Variants in USP4 observed in about 807,000 individuals in gnomAD.
USP4 encodes ubiquitin carboxyl-terminal hydrolase 4.
Under a neutral mutation model 118.2 loss-of-function variants are expected in USP4, and 72 were observed. The ratio of observed to expected loss-of-function variants is 0.61; its 90% confidence interval spans 0.50 to 0.74. The LOEUF is 0.74. USP4 is among the 30% of genes least tolerant of loss of function. The pLI, the probability that USP4 is intolerant of heterozygous loss-of-function variation, is 0.00. For synonymous variants in USP4, 415 were observed against 440.4 expected (o/e 0.94, Z 0.72); for missense variants, 1,037 against 1,185.7 (o/e 0.87, Z 1.84).
intron 13 of USP4, among the ~76,000 whole-genome samples, chr3:49,297,161 G>A (rs977189607): frequency 1.3e-5 from 2 of 152,192 alleles, no homozygotes; most frequent in South Asian, 2.1e-4. Flanking sequence ...AGGTAAAGAG[G>A]GAGGGACAGT....
chr3:49,324,561 C>T, intron 6 of USP4, 141 bp downstream of exon 6: 1 of 796,466 alleles, frequency 1.3e-6, no homozygotes, highest in East Asian at 2.5e-5. Context: ...GGTCTTCATC[C>T]AGAAGCATGA....
At chr3:49,283,241 C>T (rs1346380060) in intron 19 of USP4, among the ~76,000 whole-genome samples, 3 of 148,308 alleles carry the variant, frequency 2.0e-5, no homozygotes, top group Non-Finnish European at 3.0e-5. Context: ...GTCTCGATCT[C>T]CAGACCTTGT....
At chr3:49,284,801 G>GAGCAGAAACC in intron 17 of USP4, 48 bp downstream of exon 17, 1 of 1,559,384 alleles carries the variant, frequency 6.4e-7, no homozygotes, top group South Asian at 1.1e-5. Context: ...TCCACATCCA[G>GAGCAGAAACC]AGCAGAAACC....
intron 2 of USP4, among the ~76,000 whole-genome samples, chr3:49,330,676 T>C (rs562819454): frequency 1.6e-4 from 24 of 152,160 alleles, no homozygotes; most frequent in Admixed American, 2.6e-4. Context: ...TTCTGAGCAG[T>C]AGGTCTCAAC....
rs1017734832 is a variant in USP4, at chr3:49,298,852, C to T, written c.1513-217G>A. ...CAGCAGCATGGGGGCTAGGCCATCTCTTTCTCTTCCAAACATTGCTTCATT... is the reference window on the plus strand; with the variant it reads ...CAGCAGCATGGGGGCTAGGCCATCTTTTTCTCTTCCAAACATTGCTTCATT... On this transcript the variant is annotated intron_variant, in intron 11 of 21. Coordinates refer to ENST00000265560, the MANE Select transcript of USP4 (RefSeq NM_003363.4). 4.6e-5 allele frequency among the ~76,000 whole-genome samples: 7 copies of T among 152,244 alleles called. No individual in the cohort carries two copies. In the South Asian group the frequency reaches 6.2e-4, roughly 14 times the overall value.
chr3:49,302,350 G>A, intron 10 of USP4, 34 bp downstream of exon 10: 1 of 1,604,928 alleles, frequency 6.2e-7, no homozygotes, highest in Non-Finnish European at 8.5e-7. Context: ...AGCTTCTTTG[G>A]CATATTATCA....
At chr3:49,317,704 T>G (rs2047455831) in intron 6 of USP4, among the ~76,000 whole-genome samples, 1 of 148,374 alleles carries the variant, frequency 6.7e-6, no homozygotes, top group Non-Finnish European at 1.5e-5. Context: ...ACCATGCCCG[T>G]GGTGTTTTTT....
At chr3:49,305,107 C>G (rs528664702) in intron 9 of USP4, among the ~76,000 whole-genome samples, 8 of 148,140 alleles carry the variant, frequency 5.4e-5, no homozygotes, top group African/African-American at 2.0e-4. Flanking sequence ...GAGTCTCGTT[C>G]TGTCACCCAG....
chr3:49,300,932 A>G (rs2047256937), intron 10 of USP4, among the ~76,000 whole-genome samples: 1 of 152,094 alleles, frequency 6.6e-6, no homozygotes. Context: ...GTTTATATAT[A>G]TACATATTTC....
At chr3:49,309,784 AC>A (rs1042571519) in intron 8 of USP4, among the ~76,000 whole-genome samples, 1 of 149,810 alleles carries the variant, frequency 6.7e-6, no homozygotes, top group African/African-American at 2.5e-5. Context: ...GTGCCACCAC[AC>A]CCGGCTAATT....
At chr3:49,281,491 TACACACACACACACAC>T (rs71077782) in intron 19 of USP4, among the ~76,000 whole-genome samples, 7 of 126,540 alleles carry the variant, frequency 5.5e-5, no homozygotes, top group East Asian at 2.3e-4. Flanking sequence ...TATATATATA[TACACACACACACACAC>T]ACACACACAC....
intron 6 of USP4, among the ~76,000 whole-genome samples, chr3:49,320,765 G>C (rs1226760829): frequency 3.3e-5 from 5 of 151,798 alleles, no homozygotes; most frequent in African/African-American, 9.7e-5. Flanking sequence ...TTTTCCACAT[G>C]TTCTAACATG....
At chr3:49,284,732 C>A in intron 17 of USP4, 117 bp downstream of exon 17, 1 of 1,235,932 alleles carries the variant, frequency 8.1e-7, no homozygotes, top group Non-Finnish European at 1.2e-6. Flanking sequence ...AGTGCTTTTC[C>A]TTCTCAGTCT....
At position 49,277,714 on chromosome 3, in the gene USP4, C is replaced by CA. The variant is rs1269094218; in HGVS notation, c.*578dup. ...CAGGAGGTTGAGGGGCCAGGATCCC[C>CA]AACACTAGATATCTTCCTTAGCGGG... is the stretch of plus-strand genomic sequence containing the variant. On this transcript the variant is annotated 3_prime_UTR_variant, in exon 22 of 22. Transcript: ENST00000265560. 6.3e-6 allele frequency: 1 copy of CA among 159,676 alleles called. No homozygotes were observed. Among genetic ancestry groups the CA allele is most frequent in the Non-Finnish European group, 1.4e-5 (1 of 73,544 alleles). The allele number at this position is 159,676 out of a possible 1,614,324, so 9.9% of individuals were successfully genotyped here. A position where few individuals can be genotyped will look rare whatever the true frequency, so the allele number is the denominator to read the frequency against.
intron 6 of USP4, among the ~76,000 whole-genome samples, chr3:49,322,686 C>T (rs1292116557): frequency 2.0e-5 from 3 of 151,952 alleles, no homozygotes; most frequent in Non-Finnish European, 4.4e-5. Context: ...CATGGTAAAA[C>T]CCTGTCTCTA....
At chr3:49,328,044 T>C (rs944211666) in intron 2 of USP4, among the ~76,000 whole-genome samples, 5 of 152,110 alleles carry the variant, frequency 3.3e-5, no homozygotes, top group Admixed American at 3.3e-4. Context: ...CTTCTATAAT[T>C]GGAGGGAGAG....
At chr3:49,291,871 T>C (rs561981101) in intron 15 of USP4, among the ~76,000 whole-genome samples, 1 of 151,166 alleles carries the variant, frequency 6.6e-6, no homozygotes, top group African/African-American at 2.4e-5. Context: ...TGGAGTGCAG[T>C]GGCGCGATCT....
chr3:49,325,157 C>T (rs1346735855), intron 4 of USP4, 118 bp from the exon 5 acceptor site: 2 of 1,249,830 alleles, frequency 1.6e-6, no homozygotes, highest in Admixed American at 2.2e-5. Context: ...TCTGGATCAA[C>T]CCCCTGATAC....
At chr3:49,281,323 G>T (rs1559462899) in intron 19 of USP4, among the ~76,000 whole-genome samples, 1 of 152,048 alleles carries the variant, frequency 6.6e-6, no homozygotes, top group South Asian at 2.1e-4. Flanking sequence ...GGGCGTGGTG[G>T]TGGGCGCCTG....
Sources: allele counts gnomAD v4.1 joint callset (sites outside exome capture counted in the v4.1 genomes callset), GRCh38; gene constraint gnomAD v4.1.1; transcripts MANE v1.5; gene names NCBI Gene and HGNC (gene_info 2026-07-23, HGNC 2026-07-21).